HERC2: variants seen among roughly 807,000 people sequenced by gnomAD.
HERC2 encodes HECT and RLD domain containing E3 ubiquitin protein ligase 2, also known as E3 ubiquitin-protein ligase HERC2.
HERC2 carries 102 observed loss-of-function variants against 537.7 expected under a neutral mutation model. That is an observed-to-expected ratio of 0.19 (90% confidence interval 0.16 to 0.22). HERC2 has a LOEUF of 0.22. Among genes scored for constraint, HERC2 ranks in the 10% least tolerant of loss-of-function variants. HERC2 has a pLI of 1.00. For synonymous variants in HERC2, 2,224 were observed against 2,466.2 expected (o/e 0.90, Z 2.91); for missense variants, 4,236 against 6,198.2 (o/e 0.68, Z 10.63).
intron 45 of HERC2, chr15:28,203,173 C>G (rs1898058791): frequency 9.2e-6 from 1 of 108,716 alleles, no homozygotes; most frequent in Admixed American, 1.0e-4. Context: ...CAGTGAACAT[C>G]TAAACTGCCA....
At position 28,295,103 on chromosome 15, in the gene HERC2, A is replaced by T. The variant is rs963969488; in HGVS notation, c.188-2081T>A. Among the ~76,000 whole-genome samples, 28 of 152,258 alleles carry T rather than the reference A, an allele frequency of 1.8e-4. 1 individual carries two copies. The highest frequency in any genetic ancestry group is 5.5e-4 in the African/African-American group (23 of 41,546). ...CTTGTTAGAATGGCTCAACTAAAAA[A>T]CACTGATAACACCAAGTGCTAACAA... On this transcript the variant is annotated intron_variant, in intron 3 of 92. Transcript: ENST00000261609.
At chr15:28,284,884 T>C (rs1284833986) in intron 4 of HERC2, among the ~76,000 whole-genome samples, 2 of 116,392 alleles carry the variant, frequency 1.7e-5, no homozygotes, top group Admixed American at 1.3e-4. Context: ...GCCACTTCAC[T>C]CCTGCCTGGG....
At chr15:28,269,936 C>T (rs1567096350) in intron 10 of HERC2, among the ~76,000 whole-genome samples, 1 of 152,206 alleles carries the variant, frequency 6.6e-6, no homozygotes, top group Non-Finnish European at 1.5e-5. Context: ...CAGGTCAGGC[C>T]TTGCAGCACT....
chr15:28,245,830 A>G, intron 23 of HERC2, 51 bp downstream of exon 23: 1 of 1,444,516 alleles, frequency 6.9e-7, no homozygotes. Context: ...AGAATAGGTT[A>G]GACAAGGACA....
At chr15:28,135,098 T>C (rs1890496697) in intron 79 of HERC2, among the ~76,000 whole-genome samples, 1 of 152,230 alleles carries the variant, frequency 6.6e-6, no homozygotes, top group African/African-American at 2.4e-5. Flanking sequence ...CTTTTACAAA[T>C]GGTGTCAATT....
chr15:28,154,104 C>G (rs1051244082), intron 69 of HERC2, among the ~76,000 whole-genome samples: 2 of 152,186 alleles, frequency 1.3e-5, no homozygotes, highest in African/African-American at 4.8e-5. Flanking sequence ...TGATTATAAA[C>G]TCTGTTATTT....
chr15:28,279,159 A>T (rs1487321647), intron 5 of HERC2, among the ~76,000 whole-genome samples: 1 of 152,026 alleles, frequency 6.6e-6, no homozygotes, highest in African/African-American at 2.4e-5. Flanking sequence ...GCCCCGGCTA[A>T]TTTTTTTATT....
intron 23 of HERC2, among the ~76,000 whole-genome samples, chr15:28,243,675 T>A (rs1186710067): frequency 6.6e-6 from 1 of 152,060 alleles, no homozygotes; most frequent in African/African-American, 2.4e-5. Flanking sequence ...GAAACCACAA[T>A]GAGATACCAG....
At chr15:28,160,448 C>G (rs1893472803) in intron 69 of HERC2, among the ~76,000 whole-genome samples, 1 of 152,214 alleles carries the variant, frequency 6.6e-6, no homozygotes. Flanking sequence ...GCCCCTCCCC[C>G]AGCCTGGCTG....
intron 74 of HERC2, 43 bp downstream of exon 74, chr15:28,143,830 C>T: frequency 6.2e-7 from 1 of 1,612,538 alleles, no homozygotes; most frequent in Non-Finnish European, 8.5e-7. Flanking sequence ...ATTTTATTCC[C>T]CAAGGGTCAC....
At chr15:28,242,499 C>T (rs1596310083) in intron 23 of HERC2, among the ~76,000 whole-genome samples, 3 of 152,286 alleles carry the variant, frequency 2.0e-5, no homozygotes, top group Admixed American at 2.0e-4. Flanking sequence ...TGGGACCTAT[C>T]TTCTTCCTGA....
chr15:28,231,429 G>A (rs1198555108), intron 30 of HERC2, among the ~76,000 whole-genome samples: 1 of 152,148 alleles, frequency 6.6e-6, no homozygotes, highest in Non-Finnish European at 1.5e-5. Context: ...GGGACCACTT[G>A]TTTTTGCATT....
Position 28,292,961 on chromosome 15 carries a change from A to T in HERC2, c.249T>A (p.Asp83Glu). ...ATATAGGTGCAGGAGTTTCTTCTTC[A>T]TCTTTTTTCTCTTTGTCATTCAGAT... ...KEDLNDKEKK[D>E]EEETPAPIYR... The change falls in exon 4 of 93, where the codon GAT (aspartate) becomes GAA (glutamate). Residue 83 changes from aspartate to glutamate, a missense_variant. Transcript: ENST00000261609. 2 of 1,611,358 alleles carry T rather than the reference A, an allele frequency of 1.2e-6. No individual in the cohort carries two copies. The highest frequency in any genetic ancestry group is 1.7e-6 in the Non-Finnish European group (2 of 1,179,508).
intron 2 of HERC2, among the ~76,000 whole-genome samples, chr15:28,309,605 A>G (rs1454074425): frequency 6.6e-6 from 1 of 152,118 alleles, no homozygotes; most frequent in African/African-American, 2.4e-5. Flanking sequence ...GCAGCCTCCA[A>G]GAGCCCAGGG....
In HERC2 at chr15:28,272,797, T is replaced by C; in HGVS notation, c.911+97A>G. 3.9e-6 allele frequency: 3 copies of C among 762,892 alleles called. No homozygotes were observed. The South Asian group carries it at 5.0e-5, about 13-fold the overall frequency. 47.3% of individuals were successfully genotyped at this position (762,892 alleles called of 1,614,324 possible). ...TCTCCGTACAGAGTACCACATCTGC[T>C]GCGGTCACAAACGATTCAGTGAAAC... On this transcript the variant is annotated intron_variant, in intron 8 of 92. Coordinates refer to ENST00000261609, the MANE Select transcript of HERC2 (RefSeq NM_004667.6).
chr15:28,298,988 T>C (rs1276048911), intron 3 of HERC2, among the ~76,000 whole-genome samples: 2 of 152,268 alleles, frequency 1.3e-5, no homozygotes, highest in South Asian at 2.1e-4. Flanking sequence ...GTTTAGGGTG[T>C]ATACAAGCAG....
chr15:28,242,514 T>C (rs145192492), intron 23 of HERC2, among the ~76,000 whole-genome samples: 2 of 152,320 alleles, frequency 1.3e-5, no homozygotes, highest in Admixed American at 6.5e-5. Flanking sequence ...TCCTGAATTA[T>C]AGCTTCTTTA....
At chr15:28,168,857 T>A (rs191738894) in intron 66 of HERC2, among the ~76,000 whole-genome samples, 159 of 152,330 alleles carry the variant, frequency 1.0e-3, no homozygotes, top group Admixed American at 3.6e-3. Flanking sequence ...AGAATGAGAC[T>A]CTGGCTCTCC....
intron 20 of HERC2, among the ~76,000 whole-genome samples, chr15:28,252,800 A>G (rs1246832437): frequency 6.6e-6 from 1 of 152,268 alleles, no homozygotes; most frequent in African/African-American, 2.4e-5. Flanking sequence ...AGAATTTACT[A>G]AAATCTATGA....
Sources: allele counts gnomAD v4.1 joint callset (sites outside exome capture counted in the v4.1 genomes callset), GRCh38; gene constraint gnomAD v4.1.1; transcripts MANE v1.5; gene names NCBI Gene and HGNC (gene_info 2026-07-23, HGNC 2026-07-21).